Variants in FAF1 observed in about 807,000 individuals in gnomAD.
The protein encoded by FAF1 is FAS-associated factor 1.
In FAF1, 25 loss-of-function variants were observed where a neutral mutation model predicts 92.5. The ratio of observed to expected loss-of-function variants is 0.27; its 90% CI spans 0.20 to 0.38. The LOEUF (loss-of-function observed/expected upper bound fraction) is 0.38, where lower values mean the gene tolerates loss of function less well. Ranked by LOEUF, FAF1 falls within the 10% of genes least tolerant of loss-of-function variation. The pLI is 1.00. For synonymous variants in FAF1, 234 were observed against 273.2 expected (o/e 0.86, Z 1.42); for missense variants, 636 against 793.3 (o/e 0.80, Z 2.38).
intron 7 of FAF1, among the ~76,000 whole-genome samples, chr1:50,699,875 A>T (rs1657391808): frequency 6.6e-6 from 1 of 152,194 alleles, no homozygotes; most frequent in Non-Finnish European, 1.5e-5. Context: ...TATCCTAAAC[A>T]GACACAGTCT....
chr1:50,899,663 G>C (rs1178518375), intron 1 of FAF1, among the ~76,000 whole-genome samples: 2 of 152,114 alleles, frequency 1.3e-5, no homozygotes, highest in African/African-American at 2.4e-5. Flanking sequence ...ATGTTGGCCA[G>C]GCTGGTCTTG....
At chr1:50,753,435 G>A (rs538784435) in intron 4 of FAF1, among the ~76,000 whole-genome samples, 49 of 152,304 alleles carry the variant, frequency 3.2e-4, no homozygotes, top group African/African-American at 1.1e-3. Flanking sequence ...CTATTACAAA[G>A]AAAGTTGCTA....
At chr1:50,899,784 C>A (rs1239766468) in intron 1 of FAF1, among the ~76,000 whole-genome samples, 1 of 152,138 alleles carries the variant, frequency 6.6e-6, no homozygotes, top group African/African-American at 2.4e-5. Flanking sequence ...CTCTGAGATG[C>A]TTGAAAATAA....
intron 8 of FAF1, among the ~76,000 whole-genome samples, chr1:50,652,750 G>C (rs1206932042): frequency 6.6e-6 from 1 of 152,138 alleles, no homozygotes; most frequent in Non-Finnish European, 1.5e-5. Flanking sequence ...AGGTTATTCT[G>C]AAGCAAGTCT....
At chr1:50,883,063 G>T (rs1040273061) in intron 1 of FAF1, among the ~76,000 whole-genome samples, 1 of 150,972 alleles carries the variant, frequency 6.6e-6, no homozygotes, top group Non-Finnish European at 1.5e-5. Flanking sequence ...ACTCATAAAT[G>T]CCCACCAGAT....
At chr1:50,610,442 T>G (rs779308292) in intron 8 of FAF1, among the ~76,000 whole-genome samples, 1 of 152,200 alleles carries the variant, frequency 6.6e-6, no homozygotes, top group Non-Finnish European at 1.5e-5. Flanking sequence ...AGAAACCATG[T>G]TAAAATAAAA....
At chr1:50,677,505 A>T (rs1308592675) in intron 7 of FAF1, among the ~76,000 whole-genome samples, 1 of 152,244 alleles carries the variant, frequency 6.6e-6, no homozygotes, top group Admixed American at 6.5e-5. Flanking sequence ...TAGTAATTAA[A>T]AAAGTAAACA....
chr1:50,483,723 G>T (rs565919580), intron 17 of FAF1, among the ~76,000 whole-genome samples: 2 of 152,182 alleles, frequency 1.3e-5, no homozygotes. Context: ...AGATGAGGGT[G>T]ATAGTGGTGG....
intron 17 of FAF1, among the ~76,000 whole-genome samples, chr1:50,483,414 G>A (rs147730771): frequency 3.8e-3 from 581 of 151,974 alleles, no homozygotes; most frequent in Middle Eastern, 0.01. Context: ...CTCTAGTAAC[G>A]TCCAACTTTG....
chr1:50,561,822 C>T (rs749951716), intron 13 of FAF1, among the ~76,000 whole-genome samples: 1 of 148,848 alleles, frequency 6.7e-6, no homozygotes, highest in Non-Finnish European at 1.5e-5. Context: ...GAGACGCCAT[C>T]TAGGACAGAC....
chr1:50,445,709 A>G (rs1438169996), intron 18 of FAF1, among the ~76,000 whole-genome samples: 1 of 152,056 alleles, frequency 6.6e-6, no homozygotes, highest in Non-Finnish European at 1.5e-5. Flanking sequence ...ACCTTTTGGG[A>G]CTCCTTGGGG....
In FAF1 at chr1:50,440,062, C is replaced by G. The variant is rs1646153818; in HGVS notation, c.*1378G>C. ...TTTGGTTAGAATCTTCTGAGAACCCCTTGGCCGAGGCTGGGGGAACAAACC... is the reference window on the plus strand; with the variant it reads ...TTTGGTTAGAATCTTCTGAGAACCCGTTGGCCGAGGCTGGGGGAACAAACC... On this transcript the variant is annotated 3_prime_UTR_variant, in exon 19 of 19. Coordinates refer to ENST00000396153, the MANE Select transcript of FAF1 (RefSeq NM_007051.3). 1 of 152,172 alleles carries G rather than the reference C, an allele frequency of 6.6e-6. No individual in the cohort carries two copies. Among genetic ancestry groups the G allele is most frequent in the Admixed American group, 6.5e-5 (1 of 15,276 alleles). 9.4% of individuals were successfully genotyped at this position (152,172 alleles called of 1,614,324 possible). A position where few individuals can be genotyped will look rare whatever the true frequency, so the allele number is the denominator to read the frequency against.
chr1:50,489,980 A>C (rs1165013236), intron 17 of FAF1, among the ~76,000 whole-genome samples: 1 of 152,236 alleles, frequency 6.6e-6, no homozygotes, highest in East Asian at 1.9e-4. Context: ...TCCATACAAC[A>C]GATCAGGAAT....
intron 18 of FAF1, among the ~76,000 whole-genome samples, chr1:50,467,439 G>A (rs1291519362): frequency 1.3e-5 from 2 of 151,958 alleles, no homozygotes; most frequent in South Asian, 2.1e-4. Flanking sequence ...TCAGCCTCCC[G>A]AGTAGCTGGG....
At chr1:50,675,638 A>T (rs892150778) in intron 7 of FAF1, among the ~76,000 whole-genome samples, 1 of 152,234 alleles carries the variant, frequency 6.6e-6, no homozygotes, top group African/African-American at 2.4e-5. Flanking sequence ...CAACCAGTGC[A>T]CATTTAAAAC....
chr1:50,724,286 C>CACACACACAT (rs1332687174), intron 6 of FAF1, among the ~76,000 whole-genome samples: 2 of 120,144 alleles, frequency 1.7e-5, no homozygotes, highest in East Asian at 4.3e-4. Context: ...TACACACACA[C>CACACACACAT]ACACACACAT....
intron 4 of FAF1, among the ~76,000 whole-genome samples, chr1:50,770,424 C>T (rs1660738164): frequency 6.6e-6 from 1 of 152,186 alleles, no homozygotes; most frequent in Non-Finnish European, 1.5e-5. Context: ...GATACAAAAT[C>T]AATGTACGAA....
At chr1:50,929,343 A>G (rs185708930) in intron 1 of FAF1, among the ~76,000 whole-genome samples, 15 of 152,298 alleles carry the variant, frequency 9.8e-5, no homozygotes, top group Non-Finnish European at 1.6e-4. Context: ...GAGTACTAGT[A>G]TATAAATTTT....
intron 2 of FAF1, among the ~76,000 whole-genome samples, chr1:50,820,946 T>C (rs1330843210): frequency 6.6e-6 from 1 of 152,208 alleles, no homozygotes; most frequent in African/African-American, 2.4e-5. Context: ...ATGTGAATAA[T>C]GTTGCAATGA....
Sources: gnomAD v4.1 joint callset for allele counts (sites outside exome capture counted in the v4.1 genomes callset) on GRCh38, gnomAD v4.1.1 for gene constraint, MANE v1.5 for transcripts, NCBI Gene and HGNC (gene_info 2026-07-23, HGNC 2026-07-21) for gene names.